Variants in ZNF277 observed in about 807,000 individuals in gnomAD.
ZNF277 encodes the protein nuclear receptor-interacting factor 4.
A neutral mutation model predicts 60.7 loss-of-function variants in ZNF277; 55 were observed. That is an observed-to-expected ratio of 0.91 (90% CI 0.73 to 1.13). ZNF277 has a LOEUF of 1.13. Among genes scored for constraint, ZNF277 ranks in the 50% most tolerant of loss-of-function variants. ZNF277 has a pLI of 0.00. For synonymous variants in ZNF277, 178 were observed against 179.3 expected, an observed-to-expected ratio of 0.99 and a Z score of 0.06; for missense variants, 510 against 523.0, an observed-to-expected ratio of 0.98 and a Z score of 0.24.
chr7:112,238,368 T>C (rs1046140870), intron 1 of ZNF277, among the ~76,000 whole-genome samples: 1 of 152,136 alleles, frequency 6.6e-6, no homozygotes, highest in Non-Finnish European at 1.5e-5. Context: ...ACCAGCCCTA[T>C]AGCTAGGGGG....
At chr7:112,307,377 C>T (rs547548007) in intron 4 of ZNF277, among the ~76,000 whole-genome samples, 3 of 152,066 alleles carry the variant, frequency 2.0e-5, no homozygotes, top group Non-Finnish European at 4.4e-5. Flanking sequence ...TGCCTTGTGA[C>T]TTCAGCTCTT....
At chr7:112,294,683 C>G (rs1792285952) in intron 2 of ZNF277, among the ~76,000 whole-genome samples, 1 of 152,088 alleles carries the variant, frequency 6.6e-6, no homozygotes, top group African/African-American at 2.4e-5. Context: ...TTGATGTCAG[C>G]TCGTGTCATG....
intron 1 of ZNF277, among the ~76,000 whole-genome samples, chr7:112,247,822 G>T (rs544239688): frequency 1.8e-4 from 28 of 152,042 alleles, no homozygotes; most frequent in African/African-American, 6.8e-4. Context: ...ACAAAAATTA[G>T]CCAGGCATGG....
chr7:112,243,472 C>T (rs1801450726), intron 1 of ZNF277, among the ~76,000 whole-genome samples: 1 of 142,740 alleles, frequency 7.0e-6, no homozygotes, highest in Non-Finnish European at 1.5e-5. Context: ...GGAACTCAAA[C>T]AACTAAACAA....
At chr7:112,221,646 C>A (rs146421656) in intron 1 of ZNF277, among the ~76,000 whole-genome samples, 1 of 152,316 alleles carries the variant, frequency 6.6e-6, no homozygotes, top group African/African-American at 2.4e-5. Flanking sequence ...CAGTGACAGA[C>A]CATCAGGCGT....
chr7:112,317,485 A>G (rs1173007774), intron 4 of ZNF277, among the ~76,000 whole-genome samples: 1 of 152,148 alleles, frequency 6.6e-6, no homozygotes, highest in Non-Finnish European at 1.5e-5. Context: ...TGATTAGCAG[A>G]TAAGATTTGT....
chr7:112,298,255 C>T (rs1792397765), intron 4 of ZNF277, among the ~76,000 whole-genome samples: 1 of 152,062 alleles, frequency 6.6e-6, no homozygotes, highest in Non-Finnish European at 1.5e-5. Flanking sequence ...ATGTAATATA[C>T]TTAGAACACT....
chr7:112,219,288 T>A (rs1238030525), intron 1 of ZNF277, among the ~76,000 whole-genome samples: 1 of 152,224 alleles, frequency 6.6e-6, no homozygotes, highest in African/African-American at 2.4e-5. Context: ...CAAAAAATCT[T>A]TGGCCAGACT....
intron 4 of ZNF277, among the ~76,000 whole-genome samples, chr7:112,296,912 ATTTTTTT>A (rs1170078999): frequency 5.0e-4 from 20 of 39,658 alleles, no homozygotes; most frequent in Admixed American, 9.4e-4. Context: ...TTATTTATTT[ATTTTTTT>A]TTTTTTTTTT....
chr7:112,289,907 T>C lies in ZNF277; in HGVS notation c.293+2833T>C, dbSNP rs1156253611. On this transcript the variant is annotated intron_variant, in intron 2 of 11. Coordinates refer to ENST00000361822, the MANE Select transcript of ZNF277 (RefSeq NM_021994.3). ...CGCCTGGCTAATTTTTTTTTTTTCTTATACTTTAAGTTTTAGGGTACATGT... is the reference window on the plus strand; with the variant it reads ...CGCCTGGCTAATTTTTTTTTTTTCTCATACTTTAAGTTTTAGGGTACATGT... 2.0e-5 allele frequency among the ~76,000 whole-genome samples: 3 copies of C among 152,172 alleles called. No individual in the cohort carries two copies. In the East Asian group the frequency reaches 5.8e-4, roughly 29 times the overall value.
intron 1 of ZNF277, among the ~76,000 whole-genome samples, chr7:112,259,585 A>T (rs547830190): frequency 6.6e-6 from 1 of 152,328 alleles, no homozygotes; most frequent in African/African-American, 2.4e-5. Context: ...TTGTTTTATT[A>T]ACTCTTTGCT....
At chr7:112,224,926 T>C (rs956754495) in intron 1 of ZNF277, among the ~76,000 whole-genome samples, 1 of 152,138 alleles carries the variant, frequency 6.6e-6, no homozygotes, top group Non-Finnish European at 1.5e-5. Context: ...GAGGAATGCT[T>C]GAGGTCAGAA....
rs1236437873 is a variant in ZNF277 at position 112,244,735 on chromosome 7, AT to A, written c.91+37932del. 2.6e-5 allele frequency among the ~76,000 whole-genome samples: 4 copies of A among 152,204 alleles called. No individual in the cohort carries two copies. In the South Asian group the frequency reaches 8.3e-4, roughly 31 times the overall value. On this transcript the variant is annotated intron_variant, in intron 1 of 11. Transcript: ENST00000361822. Reference sequence around the variant, plus strand: ...TTCTGTTTATGTCACCTATTGCCTAATTTTATTAACTTAGATTAGAATTTAT... The same window carrying A: ...TTCTGTTTATGTCACCTATTGCCTAATTTATTAACTTAGATTAGAATTTAT...
intron 1 of ZNF277, among the ~76,000 whole-genome samples, chr7:112,239,741 T>C (rs1263866802): frequency 6.6e-6 from 1 of 152,134 alleles, no homozygotes; most frequent in Non-Finnish European, 1.5e-5. Flanking sequence ...GATGCAAAAC[T>C]CATTGGTAAT....
chr7:112,239,449 T>C (rs1587106273), intron 1 of ZNF277, among the ~76,000 whole-genome samples: 1 of 152,174 alleles, frequency 6.6e-6, no homozygotes, highest in African/African-American at 2.4e-5. Context: ...CGGCTTCAGG[T>C]CTGACTCAGC....
At chr7:112,279,563 G>A (rs1791894600) in intron 1 of ZNF277, among the ~76,000 whole-genome samples, 1 of 152,068 alleles carries the variant, frequency 6.6e-6, no homozygotes, top group African/African-American at 2.4e-5. Flanking sequence ...ATGCTACTGA[G>A]TTGTATGAGT....
At chr7:112,321,803 A>T (rs1792988832) in intron 5 of ZNF277, among the ~76,000 whole-genome samples, 1 of 152,072 alleles carries the variant, frequency 6.6e-6, no homozygotes, top group South Asian at 2.1e-4. Flanking sequence ...TGAATATGAC[A>T]TTCTACTGTC....
rs777539710 is a variant in ZNF277 at position 112,342,622 on chromosome 7, G to C, written c.1246G>C (p.Asp416His). The C allele has an allele frequency of 6.2e-7, 1 of 1,613,166 alleles. No homozygotes were observed. The highest frequency in any genetic ancestry group is 1.1e-5 in the South Asian group (1 of 91,028). ...LLCTLSDSES[D>H]LTAQEQNENV... ...GTGTACACTATCTGACAGTGAAAGT[G>C]ACCTGACAGCTCAGGAACAAAATGA... The change falls in exon 12 of 12, where the codon GAC becomes CAC. Residue 416 changes from aspartate to histidine, a missense_variant. Transcript: ENST00000361822.
At chr7:112,236,403 T>G (rs951219408) in intron 1 of ZNF277, among the ~76,000 whole-genome samples, 3 of 152,086 alleles carry the variant, frequency 2.0e-5, no homozygotes, top group African/African-American at 7.2e-5. Context: ...AGTCTGAACA[T>G]TCATGGGCTT....
Sources: allele counts gnomAD v4.1 joint callset (sites outside exome capture counted in the v4.1 genomes callset), GRCh38; gene constraint gnomAD v4.1.1; transcripts MANE v1.5; gene names NCBI Gene and HGNC (gene_info 2026-07-23, HGNC 2026-07-21).